TNS3: variants seen among roughly 807,000 people sequenced by gnomAD.
The protein encoded by TNS3 is tensin-3.
In TNS3, 45 loss-of-function variants were observed where a neutral mutation model predicts 140.9. The ratio of observed to expected loss-of-function variants is 0.32; its 90% CI spans 0.25 to 0.41. The LOEUF is 0.41. Among genes scored for constraint, TNS3 ranks in the 10% least tolerant of loss-of-function variants. TNS3 has a pLI of 1.00. For missense variants in TNS3, 1,716 were observed against 1,906.7 expected (o/e 0.90, Z 1.86); for synonymous variants, 815 against 788.4 (o/e 1.03, Z -0.56).
chr7:47,545,801 G>T (rs972194431), intron 1 of TNS3, among the ~76,000 whole-genome samples: 2 of 152,190 alleles, frequency 1.3e-5, no homozygotes, highest in Non-Finnish European at 2.9e-5. Context: ...AGCCCTAGGG[G>T]ATCCCACCTG....
At chr7:47,539,240 A>T in intron 1 of TNS3, 2 of 418,094 alleles carry the variant, frequency 4.8e-6, no homozygotes, top group South Asian at 3.4e-5. Context: ...TATGCAAGCC[A>T]GAGTGGAAGG....
chr7:47,435,895 T>A (rs1795155801), intron 7 of TNS3, among the ~76,000 whole-genome samples: 1 of 152,192 alleles, frequency 6.6e-6, no homozygotes, highest in Admixed American at 6.5e-5. Flanking sequence ...TAATTAAGTT[T>A]GGTGCTTGGA....
chr7:47,374,121 G>T (rs772273823), intron 16 of TNS3, among the ~76,000 whole-genome samples: 8 of 152,184 alleles, frequency 5.3e-5, no homozygotes, highest in Non-Finnish European at 1.2e-4. Flanking sequence ...CAATCTAAGG[G>T]TTCTAAATTC....
intron 4 of TNS3, among the ~76,000 whole-genome samples, chr7:47,461,173 T>C (rs905416722): frequency 1.3e-5 from 2 of 152,132 alleles, no homozygotes; most frequent in African/African-American, 2.4e-5. Flanking sequence ...GCATTAAGTG[T>C]TGTATGTCAA....
At chr7:47,552,075 A>C (rs538223131) in intron 1 of TNS3, among the ~76,000 whole-genome samples, 8 of 149,232 alleles carry the variant, frequency 5.4e-5, no homozygotes. Context: ...AAACCTCCCC[A>C]CGCCCATCAC....
intron 3 of TNS3, among the ~76,000 whole-genome samples, chr7:47,489,147 C>T (rs1387950013): frequency 1.3e-5 from 2 of 152,102 alleles, no homozygotes; most frequent in Admixed American, 1.3e-4. Flanking sequence ...TGCTCTAATC[C>T]CCATGAGAAA....
chr7:47,330,961 C>T (rs1788307205), intron 20 of TNS3, among the ~76,000 whole-genome samples: 1 of 152,168 alleles, frequency 6.6e-6, no homozygotes, highest in Non-Finnish European at 1.5e-5. Context: ...TCCCACCGGA[C>T]TCGGGCGAAC....
intron 4 of TNS3, among the ~76,000 whole-genome samples, chr7:47,454,968 C>T (rs995314507): frequency 1.3e-5 from 2 of 152,162 alleles, no homozygotes; most frequent in African/African-American, 2.4e-5. Flanking sequence ...TGCAGAGCTG[C>T]GTTCTGTCCT....
rs532022075 is a variant in TNS3, at chr7:47,370,985, G to A, written c.1025-1364C>T. Among the ~76,000 whole-genome samples, 160 of 152,334 alleles carry A rather than the reference G, an allele frequency of 1.1e-3. 1 individual carries two copies. The highest frequency in any genetic ancestry group is 3.5e-3 in the African/African-American group (146 of 41,570). On this transcript the variant is annotated intron_variant, in intron 16 of 30. Coordinates refer to ENST00000311160, the MANE Select transcript of TNS3 (RefSeq NM_022748.12). ...ACAGAGTCCCAAGGGGTCCTGGGGT[G>A]TGGTGCTGAAAACGCGCCCACGCCA...
chr7:47,386,404 G>A (rs781605411), intron 16 of TNS3, among the ~76,000 whole-genome samples: 2 of 152,216 alleles, frequency 1.3e-5, no homozygotes, highest in African/African-American at 2.4e-5. Context: ...CAGTCTCTCG[G>A]GCCCTAGGGA....
rs1173288416 is a variant in TNS3 at position 47,303,528 on chromosome 7, A to T, written c.2879T>A (p.Leu960Gln). The change falls in exon 22 of 31, where the codon CTG becomes CAG. Residue 960 changes from leucine (L) to glutamine (Q), a missense_variant. Physicochemically the swap from Leu to Gln is moderately radical, Grantham distance 113 (BLOSUM62 -2). This residue lies in a region of TNS3 where 1,163 missense variants were observed against 1,182.1 expected (regional missense o/e 0.98). Transcript: ENST00000311160. ...TCCGGTGGGCCGGCCGCTCCCCAGCAGGGAAACCATGGGCTTGGGGCTGCT... is the reference window on the plus strand; with the variant it reads ...TCCGGTGGGCCGGCCGCTCCCCAGCTGGGAAACCATGGGCTTGGGGCTGCT... ...VESSPKPMVS[L>Q]LGSGRPTGSP... 6.2e-7 allele frequency: 1 copy of T among 1,606,378 alleles called. No homozygotes were observed. Among genetic ancestry groups the T allele is most frequent in the Non-Finnish European group, 8.5e-7 (1 of 1,179,118 alleles).
chr7:47,428,548 A>G (rs138372532), intron 8 of TNS3, among the ~76,000 whole-genome samples, 172 bp from the exon 9 acceptor site: 8 of 152,166 alleles, frequency 5.3e-5, no homozygotes, highest in African/African-American at 1.9e-4. Context: ...GTGCAACTGG[A>G]GTCTCTGCAA....
intron 6 of TNS3, among the ~76,000 whole-genome samples, chr7:47,437,745 TACACACACACACACACACACAC>T (rs67341898): frequency 1.6e-4 from 22 of 135,806 alleles, no homozygotes; most frequent in African/African-American, 5.2e-4. Context: ...ACATATAGGA[TACACACACACACACACACACAC>T]ACACACACAC....
intron 22 of TNS3, among the ~76,000 whole-genome samples, chr7:47,302,700 T>TCTG (rs1786476105): frequency 6.6e-6 from 1 of 152,242 alleles, no homozygotes; most frequent in African/African-American, 2.4e-5. Flanking sequence ...ACTGCAAATG[T>TCTG]CTGCACTTTC....
chr7:47,311,397 A>G (rs1300228856), intron 20 of TNS3, among the ~76,000 whole-genome samples: 2 of 91,340 alleles, frequency 2.2e-5, no homozygotes, highest in South Asian at 4.9e-4. Flanking sequence ...TAGAACTTAA[A>G]GAGTGTGTGT....
At chr7:47,495,342 C>T (rs577074769) in intron 3 of TNS3, among the ~76,000 whole-genome samples, 15 of 152,198 alleles carry the variant, frequency 9.9e-5, no homozygotes, top group Non-Finnish European at 2.1e-4. Context: ...AGTGCCTGTC[C>T]TGTGGTCTAG....
intron 1 of TNS3, among the ~76,000 whole-genome samples, chr7:47,531,731 G>A (rs1197617288): frequency 2.0e-5 from 3 of 152,238 alleles, no homozygotes; most frequent in Non-Finnish European, 4.4e-5. Context: ...GCAGGGAGGT[G>A]AGGCTGGGGC....
In TNS3 at chr7:47,437,475, C is replaced by A. The variant is rs1399256044; in HGVS notation, c.151-162G>T. 2.0e-5 allele frequency among the ~76,000 whole-genome samples: 3 copies of A among 151,440 alleles called. No individual in the cohort carries two copies. In the East Asian group the frequency reaches 5.8e-4, roughly 29 times the overall value. On this transcript the variant is annotated intron_variant, in intron 6 of 30. Transcript: ENST00000311160. Reference sequence around the variant, plus strand: ...GGGGAAAAAAAGCTTTTAGACAAATCCTTGACATCAGAGATGAAAGCAGAA... The same window carrying A: ...GGGGAAAAAAAGCTTTTAGACAAATACTTGACATCAGAGATGAAAGCAGAA...
intron 4 of TNS3, among the ~76,000 whole-genome samples, chr7:47,443,692 C>T (rs963400712): frequency 1.3e-5 from 2 of 152,128 alleles, no homozygotes; most frequent in Non-Finnish European, 1.5e-5. Context: ...GAGGCCGAGG[C>T]GGGCAGATCA....
Sources: gnomAD v4.1 joint callset for allele counts (sites outside exome capture counted in the v4.1 genomes callset) on GRCh38, gnomAD v4.1.1 for gene constraint, gnomAD v4.1.1 regional missense constraint, MANE v1.5 for transcripts, NCBI Gene and HGNC (gene_info 2026-07-23, HGNC 2026-07-21) for gene names.